The following SUN5 variants were observed in gnomAD, a reference collection of about 807,000 sequenced individuals.
SUN5 encodes Sad1 and UNC84 domain containing 5.
A neutral mutation model predicts 53.7 loss-of-function variants in SUN5; 44 were observed. The observed-to-expected ratio is 0.82, with a 90% CI of 0.64 to 1.05. SUN5 has a LOEUF of 1.05. SUN5 is among the 50% of genes least tolerant of loss of function. SUN5 has a pLI of 0.00. For synonymous variants in SUN5, 166 were observed against 179.8 expected, an observed-to-expected ratio of 0.92 and a Z score of 0.62; for missense variants, 433 against 483.8, an observed-to-expected ratio of 0.90 and a Z score of 0.98.
chr20:33,001,277 G>T lies in SUN5; in HGVS notation c.213C>A (p.Ser71=). 1.3e-6 allele frequency: 2 copies of T among 1,572,202 alleles called. No individual in the cohort carries two copies. Among genetic ancestry groups the T allele is most frequent in the Non-Finnish European group, 1.7e-6 (2 of 1,156,310 alleles). Residue 71 remains serine (S), a splice_region_variant and synonymous_variant, in exon 4 of 13, where the codon TCC becomes TCA. Coordinates refer to ENST00000356173, the MANE Select transcript of SUN5 (RefSeq NM_080675.4). ...GGGAGCAGGCAAAACAGGTGAACCAGGCTGCACGGGAGACAGAAAAGCAGT... is the reference window on the plus strand; with the variant it reads ...GGGAGCAGGCAAAACAGGTGAACCATGCTGCACGGGAGACAGAAAAGCAGT... ...GLTQCMLGCV[S]WFTCFACSLR... is the part of the protein sequence containing the mutation.
chr20:32,993,638 C>T (rs893208985), intron 8 of SUN5, among the ~76,000 whole-genome samples: 2 of 152,126 alleles, frequency 1.3e-5, no homozygotes, highest in Non-Finnish European at 2.9e-5. Flanking sequence ...GCTTAGGAAA[C>T]GAAGTCCCTT....
rs1273724979 is a variant in SUN5, at chr20:32,997,659, T to C, written c.369A>G (p.Pro123=). The C allele has an allele frequency of 3.7e-6, 6 of 1,614,038 alleles. 1 individual carries two copies. The South Asian group carries it at 5.5e-5, about 15-fold the overall frequency. ...TCACCTGCCAGACTTTCATTTTCGA[T>C]GGTAAGTGAATAGAAAACATCCAGA... ...FGFWMFSIHL[P]SKMKVWQDDS... is the part of the protein sequence containing the mutation. The change falls in exon 6 of 13, where the codon CCA becomes CCG. Residue 123 remains proline (P), a synonymous_variant. Coordinates refer to ENST00000356173, the MANE Select transcript of SUN5 (RefSeq NM_080675.4).
chr20:32,985,913 G>A lies in SUN5; in HGVS notation c.730-10C>T, dbSNP rs371703667. Reference sequence around the variant, plus strand: ...CAGGTGTCACGTTGGGCTAGAAGAGGCAAGTACAATAAGGGATATGCTGGG... The same window carrying A: ...CAGGTGTCACGTTGGGCTAGAAGAGACAAGTACAATAAGGGATATGCTGGG... On this transcript the variant is annotated splice_polypyrimidine_tract_variant and intron_variant, in intron 10 of 12. Coordinates refer to ENST00000356173, the MANE Select transcript of SUN5 (RefSeq NM_080675.4). 2.5e-6 allele frequency: 4 copies of A among 1,612,898 alleles called. No individual in the cohort carries two copies. The highest frequency in any genetic ancestry group is 3.4e-6 in the Non-Finnish European group (4 of 1,179,272).
intron 10 of SUN5, 49 bp from the exon 11 acceptor site, chr20:32,985,952 C>CAAAGGTGGGATG: frequency 6.3e-7 from 1 of 1,581,596 alleles, no homozygotes; most frequent in Non-Finnish European, 8.6e-7. Context: ...GTAGGGGGAT[C>CAAAGGTGGGATG]ATCCCACCTT....
At chr20:32,995,874 G>GT in intron 7 of SUN5, 147 bp from the exon 8 acceptor site, 1 of 675,862 alleles carries the variant, frequency 1.5e-6, no homozygotes, top group East Asian at 2.5e-5. Flanking sequence ...CATTCATCAG[G>GT]TTATTATCTC....
At chr20:32,999,465 C>T (rs6059003) in intron 5 of SUN5, among the ~76,000 whole-genome samples, 1,598 of 152,104 alleles carry the variant, frequency 0.011, 28 homozygotes, top group African/African-American at 0.037. Flanking sequence ...TGGTGGCGCG[C>T]GCCTGTAGTC....
chr20:32,988,880 A>C (rs575198065), intron 9 of SUN5, among the ~76,000 whole-genome samples: 19 of 144,336 alleles, frequency 1.3e-4, no homozygotes, highest in African/African-American at 4.6e-4. Flanking sequence ...TGAGCCACCA[A>C]GCCCAGCCCT....
chr20:32,994,990 A>G (rs543367342), intron 8 of SUN5, among the ~76,000 whole-genome samples: 10 of 152,222 alleles, frequency 6.6e-5, no homozygotes, highest in African/African-American at 9.6e-5. Flanking sequence ...CACATAACAG[A>G]AAAAGAATGA....
chr20:32,999,928 C>A, intron 5 of SUN5, 146 bp downstream of exon 5: 4 of 1,550,550 alleles, frequency 2.6e-6, no homozygotes, highest in Non-Finnish European at 3.5e-6. Flanking sequence ...GTCATCATTT[C>A]ATTTCATAAT....
rs1989782177 is a variant in SUN5, at chr20:32,994,250, C to A, written c.534+1369G>T. On this transcript the variant is annotated intron_variant, in intron 8 of 12. Coordinates refer to ENST00000356173, the MANE Select transcript of SUN5 (RefSeq NM_080675.4). The stretch of plus-strand genomic sequence containing the variant: ...CTAGATAGAAGTGACCAGTCTATTT[C>A]ATCCTCCTTATAAAGAAAAGGGGAA... Among the ~76,000 whole-genome samples the A allele has an allele frequency of 3.3e-5, 5 of 152,212 alleles. No homozygotes were observed. In the South Asian group the frequency reaches 6.2e-4, roughly 19 times the overall value.
chr20:33,001,566 T>TTTCTTTCTTTCTTTCCTTC (rs1568970962), intron 3 of SUN5, among the ~76,000 whole-genome samples: 14 of 45,684 alleles, frequency 3.1e-4, no homozygotes, highest in African/African-American at 1.2e-3. Context: ...TTCTTTCTTT[T>TTTCTTTCTTTCTTTCCTTC]CTTCCTTCCT....
At chr20:33,004,024 C>T (rs201187543) in intron 1 of SUN5, among the ~76,000 whole-genome samples, 1 of 152,200 alleles carries the variant, frequency 6.6e-6, no homozygotes, top group Non-Finnish European at 1.5e-5. Flanking sequence ...CCGTGTTCCC[C>T]GTCCTCTGTG....
At chr20:32,990,188 T>C (rs1460113259) in intron 8 of SUN5, among the ~76,000 whole-genome samples, 1 of 152,204 alleles carries the variant, frequency 6.6e-6, no homozygotes, top group Non-Finnish European at 1.5e-5. Context: ...CATCCTTGTA[T>C]TAAAGATGAG....
At chr20:32,989,184 C>A (rs1441989048) in intron 9 of SUN5, among the ~76,000 whole-genome samples, 1 of 152,202 alleles carries the variant, frequency 6.6e-6, no homozygotes, top group African/African-American at 2.4e-5. Context: ...CTTGGCCTCC[C>A]AAAGTGCTGG....
At chr20:32,985,336 G>T in intron 11 of SUN5, 151 bp from the exon 12 acceptor site, 1 of 678,688 alleles carries the variant, frequency 1.5e-6, no homozygotes, top group Non-Finnish European at 2.5e-6. Flanking sequence ...GTAATGAATA[G>T]GAAAGAGCAC....
At position 32,996,043 on chromosome 20, in the gene SUN5, C is replaced by T. The variant is rs116034306; in HGVS notation, c.425+281G>A. Among the ~76,000 whole-genome samples, 1,215 of 152,282 alleles carry T rather than the reference C, an allele frequency of 8.0e-3. 16 individuals are homozygous for T. Among genetic ancestry groups the T allele is most frequent in the African/African-American group, 0.028 (1,149 of 41,548 alleles). On this transcript the variant is annotated intron_variant, in intron 7 of 12. Transcript: ENST00000356173. ...TCAGCTACCATTTGCTGAGCACTGA[C>T]TATGGGTCAGGAGCTATTCAAGACA...
At chr20:33,003,150 C>T (rs1990099122) in intron 1 of SUN5, among the ~76,000 whole-genome samples, 1 of 152,086 alleles carries the variant, frequency 6.6e-6, no homozygotes, top group South Asian at 2.1e-4. Flanking sequence ...CGCCATGTCC[C>T]CGAGGTTGGC....
At chr20:32,985,996 A>G (rs1989529458) in intron 10 of SUN5, 93 bp from the exon 11 acceptor site, 2 of 1,409,488 alleles carry the variant, frequency 1.4e-6, no homozygotes, top group South Asian at 1.4e-5. Flanking sequence ...CTCCTGGGTG[A>G]GCCAGTCCTT....
At chr20:32,989,805 T>G in intron 8 of SUN5, 107 bp from the exon 9 acceptor site, 1 of 907,184 alleles carries the variant, frequency 1.1e-6, no homozygotes, top group Middle Eastern at 2.5e-4. Flanking sequence ...GTCCTCTCCC[T>G]AACAGCCCAC....
Sources: gnomAD v4.1 joint callset for allele counts (sites outside exome capture counted in the v4.1 genomes callset) on GRCh38, gnomAD v4.1.1 for gene constraint, MANE v1.5 for transcripts, NCBI Gene and HGNC (gene_info 2026-07-23, HGNC 2026-07-21) for gene names.